The following ZNF280D variants were observed in gnomAD, a reference collection of about 807,000 sequenced individuals.
ZNF280D encodes the protein zinc finger protein 280D.
Under a neutral mutation model 94.7 loss-of-function variants are expected in ZNF280D, and 39 were observed. The observed-to-expected ratio is 0.41, with a 90% CI of 0.32 to 0.54. The LOEUF is 0.54. Ranked by LOEUF, ZNF280D falls within the 20% of genes least tolerant of loss-of-function variation. The pLI is 0.22. For synonymous variants in ZNF280D, 398 were observed against 377.6 expected (o/e 1.05, Z -0.63); for missense variants, 1,090 against 1,149.3 (o/e 0.95, Z 0.75).
At chr15:56,732,129 A>G (rs1233451842) in intron 1 of ZNF280D, among the ~76,000 whole-genome samples, 1 of 152,226 alleles carries the variant, frequency 6.6e-6, no homozygotes, top group Non-Finnish European at 1.5e-5. Context: ...AGAGTTGAGC[A>G]CCGGAGAAGG....
At chr15:56,659,550 A>G (rs2053783433) in intron 16 of ZNF280D, among the ~76,000 whole-genome samples, 1 of 151,938 alleles carries the variant, frequency 6.6e-6, no homozygotes, top group Non-Finnish European at 1.5e-5. Flanking sequence ...TTATAAATAA[A>G]CCTTTATTAT....
intron 20 of ZNF280D, among the ~76,000 whole-genome samples, chr15:56,637,014 G>A (rs1385145005): frequency 6.6e-6 from 1 of 152,140 alleles, no homozygotes; most frequent in African/African-American, 2.4e-5. Context: ...CAAAGTTTTA[G>A]TAAAAGTCCA....
At chr15:56,650,698 C>A (rs955359945) in intron 19 of ZNF280D, among the ~76,000 whole-genome samples, 10 of 152,158 alleles carry the variant, frequency 6.6e-5, no homozygotes, top group African/African-American at 2.2e-4. Flanking sequence ...AGGAAATTAT[C>A]ATTCTATTCT....
chr15:56,692,612 A>G (rs1470485245), intron 7 of ZNF280D, among the ~76,000 whole-genome samples: 2 of 152,154 alleles, frequency 1.3e-5, no homozygotes, highest in Non-Finnish European at 1.5e-5. Context: ...ACTATGTACA[A>G]ATCACTATTT....
At chr15:56,639,524 A>T (rs1488269009) in intron 20 of ZNF280D, among the ~76,000 whole-genome samples, 1 of 152,168 alleles carries the variant, frequency 6.6e-6, no homozygotes, top group African/African-American at 2.4e-5. Flanking sequence ...AACACCAGTG[A>T]CAGAGATAAT....
chr15:56,698,455 A>AT (rs2056876088), intron 6 of ZNF280D: 1 of 152,206 alleles, frequency 6.6e-6, no homozygotes, highest in Non-Finnish European at 1.5e-5. Context: ...ACTATCAATT[A>AT]TTTTTGCTGA....
rs1039396140 is a variant in ZNF280D, at chr15:56,683,290, C to T, written c.781-813G>A. On this transcript the variant is annotated intron_variant, in intron 9 of 21. Transcript: ENST00000267807. ...GGGTGAAGGATTTAGTCATTGAGAA[C>T]GGCAAAGTATCCTTGCTTATCCAAA... 4.9e-4 allele frequency among the ~76,000 whole-genome samples: 75 copies of T among 152,082 alleles called. 1 individual carries two copies. Among genetic ancestry groups the T allele is most frequent in the Middle Eastern group, 3.4e-3 (1 of 294 alleles).
chr15:56,707,137 T>G lies in ZNF280D; in HGVS notation c.-28A>C. ...AGCTGCAGAGATGACTTTCTGTAAA[T>G]TGTCACCTAAGTACTGACACATGAT... On this transcript the variant is annotated 5_prime_UTR_variant, in exon 3 of 22. Coordinates refer to ENST00000267807, the MANE Select transcript of ZNF280D (RefSeq NM_017661.4). 3.1e-6 allele frequency: 5 copies of G among 1,613,826 alleles called. No homozygotes were observed. Among genetic ancestry groups the G allele is most frequent in the Non-Finnish European group, 4.2e-6 (5 of 1,179,916 alleles).
chr15:56,699,983 C>G (rs2056963379), intron 6 of ZNF280D: 1 of 157,982 alleles, frequency 6.3e-6, no homozygotes. Context: ...ACTAAGGCAC[C>G]AGCAGCTTAT....
chr15:56,681,877 C>A (rs1185751357), intron 10 of ZNF280D, among the ~76,000 whole-genome samples: 1 of 151,914 alleles, frequency 6.6e-6, no homozygotes, highest in African/African-American at 2.4e-5. Flanking sequence ...AGGAGCTCAA[C>A]CTGAACAAAC....
intron 1 of ZNF280D, chr15:56,729,942 AT>A (rs1211712125): frequency 6.6e-6 from 1 of 152,120 alleles, no homozygotes; most frequent in African/African-American, 2.4e-5. Flanking sequence ...TAGATTTTTT[AT>A]TTTTTATTTT....
In ZNF280D at chr15:56,658,473, G is replaced by C. The variant is rs1254116923; in HGVS notation, c.2008C>G (p.Arg670Gly). 1 of 1,575,264 alleles carries C rather than the reference G, an allele frequency of 6.3e-7. No individual in the cohort carries two copies. ...VNHMMSFHSNRPSKRFCIFKK... is the reference protein window; with the variant it reads ...VNHMMSFHSNGPSKRFCIFKK... The stretch of plus-strand genomic sequence containing the variant: ...AAAATACAAAACCTTTTGCTTGGAC[G>C]GTTACTATGAAAGCTGGAGAAACAA... Residue 670 changes from arginine to glycine, a missense_variant, in exon 17 of 22, where the codon CGT (arginine) becomes GGT (glycine). Physicochemically the swap from Arg to Gly is moderately radical, Grantham distance 125. Transcript: ENST00000267807.
At chr15:56,731,691 A>AT (rs1475781273) in intron 1 of ZNF280D, among the ~76,000 whole-genome samples, 1 of 152,162 alleles carries the variant, frequency 6.6e-6, no homozygotes, top group African/African-American at 2.4e-5. Context: ...CACATACAGC[A>AT]TTTAGGGCTG....
At chr15:56,681,389 G>C (rs1198793632) in intron 10 of ZNF280D, among the ~76,000 whole-genome samples, 2 of 152,124 alleles carry the variant, frequency 1.3e-5, no homozygotes, top group African/African-American at 4.8e-5. Flanking sequence ...CCAAAAATCA[G>C]ATAGTTCTAA....
At position 56,707,259 on chromosome 15, in the gene ZNF280D, T is replaced by C; in HGVS notation, c.-42+4A>G. The stretch of plus-strand genomic sequence containing the variant: ...TTGGATGTAAGGTTAACCTCTAAAC[T>C]CACCATGTGACTCCAGACAAGCCAG... On this transcript the variant is annotated splice_donor_region_variant and intron_variant, in intron 2 of 21. Coordinates refer to ENST00000267807, the MANE Select transcript of ZNF280D (RefSeq NM_017661.4). 1.3e-6 allele frequency: 2 copies of C among 1,548,760 alleles called. No individual in the cohort carries two copies. The highest frequency in any genetic ancestry group is 1.7e-6 in the Non-Finnish European group (2 of 1,149,580).
intron 1 of ZNF280D, among the ~76,000 whole-genome samples, chr15:56,719,886 T>TAAAA (rs35398429): frequency 2.9e-5 from 3 of 101,724 alleles, no homozygotes; most frequent in African/African-American, 7.3e-5. Flanking sequence ...ACTTTATTGC[T>TAAAA]AAAAAAAAAA....
At chr15:56,704,410 TAAC>T (rs1420279546) in intron 3 of ZNF280D, 143 bp from the exon 4 acceptor site, 4 of 781,524 alleles carry the variant, frequency 5.1e-6, no homozygotes, top group Non-Finnish European at 8.0e-6. Context: ...CAGTATGTGG[TAAC>T]AACAGTGAGA....
chr15:56,717,261 A>G lies in ZNF280D; in HGVS notation c.-85-9955T>C, dbSNP rs770392222. ...GGTAAATAGATGCTGGGTGGCAAAA[A>G]TAACAGATGTCCACTACAAGGAATT... On this transcript the variant is annotated intron_variant, in intron 1 of 21. Coordinates refer to ENST00000267807, the MANE Select transcript of ZNF280D (RefSeq NM_017661.4). 7.2e-5 allele frequency among the ~76,000 whole-genome samples: 11 copies of G among 152,302 alleles called. No homozygotes were observed. In the South Asian group the frequency reaches 1.0e-3, roughly 14 times the overall value.
At position 56,726,031 on chromosome 15, in the gene ZNF280D, G is replaced by GATGTGCCAGGGTTCCA. The variant is rs1363526351; in HGVS notation, c.-86+7411_-86+7426dup. Among the ~76,000 whole-genome samples, 253 of 152,200 alleles carry GATGTGCCAGGGTTCCA rather than the reference G, an allele frequency of 1.7e-3. 1 individual carries two copies. The highest frequency in any genetic ancestry group is 5.8e-3 in the African/African-American group (239 of 41,550). ...AAAAGCCTAAATACAACGTTGGCCT[G>GATGTGCCAGGGTTCCA]ATGTGCCAGGGTTCCAATTAATAAT... On this transcript the variant is annotated intron_variant, in intron 1 of 21. Coordinates refer to ENST00000267807, the MANE Select transcript of ZNF280D (RefSeq NM_017661.4).
Sources: gnomAD v4.1 joint callset for allele counts (sites outside exome capture counted in the v4.1 genomes callset) on GRCh38, gnomAD v4.1.1 for gene constraint, MANE v1.5 for transcripts, NCBI Gene and HGNC (gene_info 2026-07-23, HGNC 2026-07-21) for gene names.